LOC730098: variants seen among roughly 807,000 people sequenced by gnomAD.
the LOC730098 span, chr9:34,665,798 T>C: frequency 1.6e-6 from 1 of 637,142 alleles, no homozygotes; most frequent in Non-Finnish European, 2.8e-6. Context: ...CCGAGAAGCC[T>C]CAGTTGCCAC....
At chr9:34,664,953 A>T in the LOC730098 span, 1 of 552,832 alleles carries the variant, frequency 1.8e-6, no homozygotes, top group Non-Finnish European at 3.2e-6. Context: ...AGTACGGAAC[A>T]GAGCCCGTGT....
the LOC730098 span, chr9:34,665,282 G>T: frequency 1.4e-6 from 1 of 702,008 alleles, no homozygotes; most frequent in African/African-American, 1.7e-5. Flanking sequence ...GTCCATGCCC[G>T]GGGCGGGTCC....
chr9:34,664,793 A>C, the LOC730098 span: 12 of 392,712 alleles, frequency 3.1e-5, no homozygotes, highest in Admixed American at 4.3e-5. Flanking sequence ...AACAGGCAGG[A>C]TTATTTAGTT....
At chr9:34,665,857 G>A in the LOC730098 span, 1 of 599,338 alleles carries the variant, frequency 1.7e-6, no homozygotes. Flanking sequence ...GAAGTTAAGG[G>A]GTGAGGAGGC....
At chr9:34,665,632 C>T in the LOC730098 span, 4 of 701,318 alleles carry the variant, frequency 5.7e-6, no homozygotes, top group African/African-American at 7.0e-5. Flanking sequence ...GCCTCCAGCG[C>T]CACCTCGTAT....
At chr9:34,665,205 G>A in the LOC730098 span, 1 of 660,534 alleles carries the variant, frequency 1.5e-6, no homozygotes, top group Non-Finnish European at 2.8e-6. Flanking sequence ...GGGGCGACCC[G>A]ACACTGGCAT....
chr9:34,664,345 CTCTT>C, the LOC730098 span: 1 of 152,302 alleles, frequency 6.6e-6, no homozygotes, highest in Non-Finnish European at 1.5e-5. Context: ...ACTGGGCCAT[CTCTT>C]TCTTTAACTT....
the LOC730098 span, chr9:34,665,245 C>A: frequency 2.3e-5 from 16 of 695,996 alleles, no homozygotes; most frequent in Non-Finnish European, 3.4e-5. Flanking sequence ...CGGATTCCCC[C>A]CGATGGGTCC....
the LOC730098 span, chr9:34,665,257 C>CA: frequency 1.4e-5 from 10 of 700,802 alleles, no homozygotes; most frequent in African/African-American, 5.2e-5. Context: ...GATGGGTCCT[C>CA]AGAGACTGAG....
At chr9:34,665,988 G>T in the LOC730098 span, 56 of 431,214 alleles carry the variant, frequency 1.3e-4, no homozygotes, top group African/African-American at 2.2e-4. Flanking sequence ...CTGGAGGGGG[G>T]GCTGAGAGGG....
chr9:34,664,946 A>G, the LOC730098 span: 9 of 520,846 alleles, frequency 1.7e-5, no homozygotes, highest in Non-Finnish European at 2.7e-5. Context: ...CCCTGTCAGT[A>G]CGGAACAGAG....
chr9:34,664,935 G>A, the LOC730098 span: 1 of 474,772 alleles, frequency 2.1e-6, no homozygotes, highest in Non-Finnish European at 3.7e-6. Flanking sequence ...AGGGAGGGAC[G>A]CCCTGTCAGT....
the LOC730098 span, chr9:34,665,196 G>A: frequency 3.1e-6 from 2 of 653,240 alleles, no homozygotes; most frequent in Non-Finnish European, 5.6e-6. Context: ...CCGAGCTGTG[G>A]GGCGACCCGA....
chr9:34,665,566 C>T, the LOC730098 span: 1 of 700,430 alleles, frequency 1.4e-6, no homozygotes, highest in Non-Finnish European at 2.6e-6. Flanking sequence ...CCCTCCCCCA[C>T]CCCGGAGCCG....
the LOC730098 span, chr9:34,665,451 C>G: frequency 1.5e-6 from 1 of 689,282 alleles, no homozygotes; most frequent in Admixed American, 2.0e-5. Flanking sequence ...CCCCGCGGTG[C>G]CTCGCCGTCG....
At chr9:34,664,809 C>A in the LOC730098 span, 1 of 406,478 alleles carries the variant, frequency 2.5e-6, no homozygotes. Flanking sequence ...TAGTTCTCTT[C>A]ATATAGGCGA....
the LOC730098 span, chr9:34,665,212 G>A: frequency 1.5e-6 from 1 of 669,984 alleles, no homozygotes. Context: ...CCCGACACTG[G>A]CATGAGGCGG....
the LOC730098 span, chr9:34,664,213 G>T: frequency 6.6e-6 from 1 of 152,254 alleles, no homozygotes; most frequent in Non-Finnish European, 1.5e-5. Flanking sequence ...CCCTGGGCTT[G>T]TCGGTCCAGA....
the LOC730098 span, chr9:34,664,185 T>A: frequency 6.6e-6 from 1 of 152,278 alleles, no homozygotes; most frequent in East Asian, 1.9e-4. Flanking sequence ...GGCTGTGCGC[T>A]ACATACTTTC....
Sources: gnomAD v4.1 joint callset for allele counts on GRCh38, gnomAD v4.1.1 for gene constraint, MANE v1.5 for transcripts.